The following IL18RAP variants were observed in gnomAD, a reference collection of about 807,000 sequenced individuals.
IL18RAP encodes the protein interleukin 18 receptor accessory protein, also known as interleukin-18 receptor accessory protein.
In IL18RAP, 37 loss-of-function variants were observed where a neutral mutation model predicts 58.1. The ratio of observed to expected loss-of-function variants is 0.64; its 90% CI spans 0.49 to 0.84. The LOEUF (loss-of-function observed/expected upper bound fraction) is 0.84. Ranked by LOEUF, IL18RAP falls within the 40% of genes least tolerant of loss-of-function variation. The pLI is 0.00. For synonymous variants in IL18RAP, 268 were observed against 257.5 expected (o/e 1.04, Z -0.39); for missense variants, 667 against 704.8 (o/e 0.95, Z 0.61).
chr2:102,435,810 C>T (rs1682695191), intron 3 of IL18RAP, among the ~76,000 whole-genome samples: 1 of 151,726 alleles, frequency 6.6e-6, no homozygotes, highest in South Asian at 2.1e-4. Flanking sequence ...CCCTGCTTCA[C>T]ATATACCTTT....
intron 3 of IL18RAP, among the ~76,000 whole-genome samples, chr2:102,427,540 C>G (rs1378574939): frequency 6.6e-6 from 1 of 152,018 alleles, no homozygotes; most frequent in African/African-American, 2.4e-5. Context: ...CTTTTCAGGT[C>G]TCTTGCCTAT....
chr2:102,438,269 C>G (rs529806459), intron 4 of IL18RAP, among the ~76,000 whole-genome samples: 26 of 152,284 alleles, frequency 1.7e-4, no homozygotes, highest in African/African-American at 6.0e-4. Flanking sequence ...AAACATAAGA[C>G]AGCCAGTCAC....
At chr2:102,445,123 C>G in intron 6 of IL18RAP, 66 bp from the exon 7 acceptor site, 1 of 1,475,084 alleles carries the variant, frequency 6.8e-7, no homozygotes. Flanking sequence ...TATACGTGTT[C>G]CAAATGCTGC....
chr2:102,429,797 A>C (rs956043871), intron 3 of IL18RAP, among the ~76,000 whole-genome samples: 4 of 151,762 alleles, frequency 2.6e-5, no homozygotes, highest in African/African-American at 7.3e-5. Context: ...TTATTTTTTA[A>C]CTTCCTTTTT....
At chr2:102,448,765 G>A (rs1342710977) in intron 8 of IL18RAP, among the ~76,000 whole-genome samples, 1 of 151,940 alleles carries the variant, frequency 6.6e-6, no homozygotes, top group Non-Finnish European at 1.5e-5. Flanking sequence ...TTCAAGACCA[G>A]CCTGGGCAAC....
chr2:102,436,065 T>A (rs1050067494), intron 3 of IL18RAP, among the ~76,000 whole-genome samples: 15 of 152,204 alleles, frequency 9.9e-5, no homozygotes, highest in African/African-American at 2.9e-4. Flanking sequence ...ATCCTTGGCA[T>A]AAATTGCTTC....
At chr2:102,423,424 G>A in intron 1 of IL18RAP, 77 bp downstream of exon 1, 2 of 1,162,392 alleles carry the variant, frequency 1.7e-6, no homozygotes, top group African/African-American at 1.5e-5. Flanking sequence ...TGATATATCA[G>A]CAGTGTGATA....
intron 8 of IL18RAP, among the ~76,000 whole-genome samples, chr2:102,448,945 A>G (rs2104385770): frequency 7.6e-6 from 1 of 131,986 alleles, no homozygotes; most frequent in African/African-American, 3.0e-5. Context: ...TGGATGGCAG[A>G]GCGATACCCT....
chr2:102,437,732 G>A (rs1264399876), intron 4 of IL18RAP, among the ~76,000 whole-genome samples: 1 of 152,020 alleles, frequency 6.6e-6, no homozygotes, highest in Non-Finnish European at 1.5e-5. Context: ...TTTCTTTAAA[G>A]TAACAAAATA....
chr2:102,452,253 T>C lies in IL18RAP; in HGVS notation c.*72T>C. 1 of 1,374,648 alleles carries C rather than the reference T, an allele frequency of 7.3e-7. No homozygotes were observed. The allele number at this position is 1,374,648 out of a possible 1,614,324, so 85.2% of individuals were successfully genotyped here. A position where few individuals can be genotyped will look rare whatever the true frequency, so the allele number is the denominator to read the frequency against. ...TTGCTGGACAGAACTCACAGCTCTG[T>C]GTGTGTGTGTTCAGGCTGATAGGAA... On this transcript the variant is annotated 3_prime_UTR_variant, in exon 10 of 10. Coordinates refer to ENST00000687160, the MANE Select transcript of IL18RAP (RefSeq NM_001393487.1).
chr2:102,444,388 G>A (rs546522558), intron 6 of IL18RAP, among the ~76,000 whole-genome samples: 3 of 152,154 alleles, frequency 2.0e-5, no homozygotes, highest in South Asian at 4.1e-4. Context: ...CCTTAGCCCC[G>A]GTGAGCCTCC....
chr2:102,426,118 C>T (rs1404002635), intron 3 of IL18RAP, among the ~76,000 whole-genome samples: 1 of 152,074 alleles, frequency 6.6e-6, no homozygotes, highest in Non-Finnish European at 1.5e-5. Context: ...GACCTTATGG[C>T]AGTAGTACAT....
At chr2:102,440,761 A>C (rs544499699) in intron 4 of IL18RAP, among the ~76,000 whole-genome samples, 15 of 152,314 alleles carry the variant, frequency 9.8e-5, no homozygotes, top group African/African-American at 3.6e-4. Context: ...TTATCCAGAA[A>C]AAGACACACC....
upstream of IL18RAP, chr2:102,419,672 G>C (rs1681450496): frequency 6.6e-6 from 1 of 152,328 alleles, no homozygotes; most frequent in Non-Finnish European, 1.5e-5. Flanking sequence ...AAGCGATTCT[G>C]TAGATTCTCC....
In IL18RAP at chr2:102,452,261, T is replaced by C. The variant is rs1683821932; in HGVS notation, c.*80T>C. The C allele has an allele frequency of 7.6e-7, 1 of 1,321,228 alleles. No homozygotes were observed. The highest frequency in any genetic ancestry group is 2.3e-5 in the Admixed American group (1 of 43,086). The allele number at this position is 1,321,228 out of a possible 1,614,324, so 81.8% of individuals were successfully genotyped here. The stretch of plus-strand genomic sequence containing the variant: ...CAGAACTCACAGCTCTGTGTGTGTG[T>C]GTTCAGGCTGATAGGAAATTCAAAG... On this transcript the variant is annotated 3_prime_UTR_variant, in exon 10 of 10. Coordinates refer to ENST00000687160, the MANE Select transcript of IL18RAP (RefSeq NM_001393487.1).
At chr2:102,441,669 C>G (rs1285869934) in intron 5 of IL18RAP, among the ~76,000 whole-genome samples, 1 of 152,124 alleles carries the variant, frequency 6.6e-6, no homozygotes, top group Non-Finnish European at 1.5e-5. Context: ...GGGTAGATCA[C>G]TTGAGGTCAG....
upstream of IL18RAP, among the ~76,000 whole-genome samples, chr2:102,420,977 A>C (rs562486131): frequency 1.8e-4 from 27 of 152,340 alleles, no homozygotes; most frequent in South Asian, 3.9e-3. Flanking sequence ...GATTTCTGAA[A>C]TGGGATATCT....
intron 9 of IL18RAP, among the ~76,000 whole-genome samples, chr2:102,451,461 A>G (rs1158265715): frequency 6.6e-6 from 1 of 152,178 alleles, no homozygotes; most frequent in East Asian, 1.9e-4. Flanking sequence ...CCTCCTCCTC[A>G]GATACCCCCA....
At chr2:102,423,599 T>C (rs1210754883) in intron 1 of IL18RAP, among the ~76,000 whole-genome samples, 1 of 152,118 alleles carries the variant, frequency 6.6e-6, no homozygotes. Context: ...TTCTACCATC[T>C]TTTCCAGGAA....
Sources: gnomAD v4.1 joint callset for allele counts (sites outside exome capture counted in the v4.1 genomes callset) on GRCh38, gnomAD v4.1.1 for gene constraint, MANE v1.5 for transcripts, NCBI Gene and HGNC (gene_info 2026-07-23, HGNC 2026-07-21) for gene names.